Variants in RTCB observed in about 807,000 individuals in gnomAD.
RTCB encodes the protein RNA 2',3'-cyclic phosphate and 5'-OH ligase.
RTCB carries 32 observed loss-of-function variants against 58.2 expected under a neutral mutation model. The observed-to-expected ratio is 0.55, with a 90% CI of 0.41 to 0.74. RTCB has a LOEUF of 0.74. Ranked by LOEUF, RTCB falls within the 30% of genes least tolerant of loss-of-function variation. The pLI, the probability that RTCB is intolerant of heterozygous loss-of-function variation, is 0.00. For synonymous variants in RTCB, 247 were observed against 218.6 expected (o/e 1.13, Z -1.15); for missense variants, 523 against 639.0 (o/e 0.82, Z 1.96).
rs546683548 is a variant in RTCB, at chr22:32,390,563, C to G, written c.1410+1677G>C. Among the ~76,000 whole-genome samples, 656 of 152,258 alleles carry G rather than the reference C, an allele frequency of 4.3e-3. 7 individuals are homozygous for G. The highest frequency in any genetic ancestry group is 0.015 in the African/African-American group (630 of 41,542). On this transcript the variant is annotated intron_variant, in intron 11 of 11. Transcript: ENST00000216038. ...TCCCGCGTTCACGCCGTTCTCCTGC[C>G]TCAGCCTCCCGAGTAGCTAGAGCTA...
chr22:32,388,049 A>G lies in RTCB; in HGVS notation c.1461T>C (p.Asp487=), dbSNP rs768900660. The part of the protein sequence containing the change: ...NVTDVVNTCH[D]AGISKKAIKL... ...TAATGGCTTTCTTGCTGATTCCAGC[A>G]TCATGGCAGGTATTTACCACATCTG... is the stretch of plus-strand genomic sequence containing the variant. The change falls in exon 12 of 12, where the codon GAT becomes GAC. Residue 487 remains aspartate (D), a synonymous_variant. Coordinates refer to ENST00000216038, the MANE Select transcript of RTCB (RefSeq NM_014306.5). 6.2e-7 allele frequency: 1 copy of G among 1,614,158 alleles called. No individual in the cohort carries two copies. The highest frequency in any genetic ancestry group is 1.7e-5 in the Admixed American group (1 of 60,026).
Position 32,412,163 on chromosome 22 carries a change from G to A in RTCB, c.-7C>T. On this transcript the variant is annotated 5_prime_UTR_variant, in exon 1 of 12. Coordinates refer to ENST00000216038, the MANE Select transcript of RTCB (RefSeq NM_014306.5). Reference sequence around the variant, plus strand: ...CATTATAGCTGCGACTCATGGTGGCGAAAACTGTAGCAAAAACTCCCGGCT... The same window carrying A: ...CATTATAGCTGCGACTCATGGTGGCAAAAACTGTAGCAAAAACTCCCGGCT... 1.3e-6 allele frequency: 2 copies of A among 1,585,998 alleles called. No homozygotes were observed. The highest frequency in any genetic ancestry group is 1.7e-6 in the Non-Finnish European group (2 of 1,167,894).
At chr22:32,410,444 C>T (rs1407132372) in intron 1 of RTCB, among the ~76,000 whole-genome samples, 1 of 147,728 alleles carries the variant, frequency 6.8e-6, no homozygotes, top group Non-Finnish European at 1.5e-5. Context: ...GTGTGAAATT[C>T]ACTGCTCTCA....
At chr22:32,392,542 G>C in intron 10 of RTCB, 183 bp from the exon 11 acceptor site, 1 of 806,908 alleles carries the variant, frequency 1.2e-6, no homozygotes, top group East Asian at 2.7e-5. Context: ...TTTGTTGGGA[G>C]GCTGTCCTAT....
At chr22:32,411,339 G>C (rs1933520151) in intron 1 of RTCB, among the ~76,000 whole-genome samples, 1 of 152,146 alleles carries the variant, frequency 6.6e-6, no homozygotes, top group African/African-American at 2.4e-5. Context: ...GAGCACAGAT[G>C]GTGATGAAGG....
chr22:32,408,256 T>C lies in RTCB; in HGVS notation c.173-14A>G. On this transcript the variant is annotated splice_polypyrimidine_tract_variant and intron_variant, in intron 2 of 11. Transcript: ENST00000216038. ...AGCCACCAACACCTGAAGACAAAAA[T>C]TGGGTATTAGAAAAGACAACACACT... The C allele has an allele frequency of 1.9e-6, 3 of 1,611,892 alleles. No individual in the cohort carries two copies. Among genetic ancestry groups the C allele is most frequent in the Non-Finnish European group, 2.5e-6 (3 of 1,178,220 alleles).
intron 1 of RTCB, among the ~76,000 whole-genome samples, chr22:32,411,623 G>A (rs1408359316): frequency 6.6e-6 from 1 of 152,158 alleles, no homozygotes; most frequent in African/African-American, 2.4e-5. Context: ...CTGGTTTAGT[G>A]AACAAAGGTT....
Position 32,401,913 on chromosome 22 carries a change from A to G in RTCB, c.341-10T>C. 6.2e-7 allele frequency: 1 copy of G among 1,612,276 alleles called. No individual in the cohort carries two copies. The highest frequency in any genetic ancestry group is 8.5e-7 in the Non-Finnish European group (1 of 1,178,498). On this transcript the variant is annotated splice_polypyrimidine_tract_variant and intron_variant, in intron 4 of 11. Coordinates refer to ENST00000216038, the MANE Select transcript of RTCB (RefSeq NM_014306.5). Reference sequence around the variant, plus strand: ...TCAAACCCGACACCACCTACAAAATAGAGAAAAGTTAGCAAAACCAGCTGG... The same window carrying G: ...TCAAACCCGACACCACCTACAAAATGGAGAAAAGTTAGCAAAACCAGCTGG...
At chr22:32,406,537 G>C (rs1482249956) in intron 4 of RTCB, 125 bp downstream of exon 4, 1 of 574,268 alleles carries the variant, frequency 1.7e-6, no homozygotes, top group South Asian at 1.9e-5. Flanking sequence ...TGGCCAAGAT[G>C]GTTTTGATCT....
chr22:32,407,864 C>T, intron 3 of RTCB: 1 of 304,556 alleles, frequency 3.3e-6, no homozygotes, highest in South Asian at 5.6e-5. Flanking sequence ...TGGGCTCAAG[C>T]AATCCTCCCA....
chr22:32,398,320 G>A (rs1933279452), intron 6 of RTCB, among the ~76,000 whole-genome samples: 1 of 152,002 alleles, frequency 6.6e-6, no homozygotes, highest in Admixed American at 6.6e-5. Flanking sequence ...ATCATTATAT[G>A]CTTGGTATAC....
chr22:32,404,392 C>T (rs2145896515), intron 4 of RTCB, among the ~76,000 whole-genome samples: 1 of 152,290 alleles, frequency 6.6e-6, no homozygotes, highest in East Asian at 1.9e-4. Context: ...TCATGGGTTA[C>T]TTAAAAGTAT....
intron 8 of RTCB, 66 bp from the exon 9 acceptor site, chr22:32,395,280 T>A: frequency 7.3e-7 from 1 of 1,378,228 alleles, no homozygotes; most frequent in Non-Finnish European, 1.0e-6. Flanking sequence ...TCTTCGTGAC[T>A]CATCTCACTG....
rs5998476 is a variant in RTCB at position 32,412,085 on chromosome 22, C to G, written c.72G>C (p.Lys24Asn). 2 of 1,608,942 alleles carry G rather than the reference C, an allele frequency of 1.2e-6. No individual in the cohort carries two copies. The change falls in exon 1 of 12, where the codon AAG becomes AAC. Residue 24 changes from lysine to asparagine, a missense_variant. This residue lies in a region of RTCB where 134 missense variants were observed against 129.9 expected (regional missense o/e 1.03). Coordinates refer to ENST00000216038, the MANE Select transcript of RTCB (RefSeq NM_014306.5). The part of the protein sequence containing the change: ...KINKNCWRIK[K>N]GFVPNMQVEG... The stretch of plus-strand genomic sequence containing the variant: ...TTACCTGCATGTTGGGCACGAAGCC[C>G]TTCTTGATCCTCCAGCAGTTTTTAT...
intron 1 of RTCB, among the ~76,000 whole-genome samples, chr22:32,409,245 A>T (rs974979474): frequency 1.3e-5 from 2 of 152,162 alleles, no homozygotes; most frequent in African/African-American, 2.4e-5. Flanking sequence ...TTCTAAACAT[A>T]AAACGTAGTC....
Position 32,404,723 on chromosome 22 carries a change from T to C in RTCB, c.340+1939A>G, listed in dbSNP as rs189425934. Among the ~76,000 whole-genome samples, 715 of 152,168 alleles carry C rather than the reference T, an allele frequency of 4.7e-3. 3 individuals are homozygous for C. Among genetic ancestry groups the C allele is most frequent in the African/African-American group, 0.016 (650 of 41,522 alleles). ...AGACAGGGTCTCACTCTGTCGCCCA[T>C]GCTGGACTGCAGTGGCGCAATCTCA... On this transcript the variant is annotated intron_variant, in intron 4 of 11. Transcript: ENST00000216038.
chr22:32,397,293 C>T (rs1197850742), intron 7 of RTCB, among the ~76,000 whole-genome samples: 5 of 152,144 alleles, frequency 3.3e-5, no homozygotes, highest in Non-Finnish European at 5.9e-5. Flanking sequence ...CTGCTTCCTG[C>T]TTTTGTTCAT....
Position 32,396,158 on chromosome 22 carries a change from C to T in RTCB, c.906G>A (p.Glu302=). The T allele has an allele frequency of 6.2e-7, 1 of 1,614,170 alleles. No homozygotes were observed. The highest frequency in any genetic ancestry group is 1.1e-5 in the South Asian group (1 of 91,080). The part of the protein sequence containing the change: ...QLACARIASP[E]GQDYLKGMAA... ...CCATTCCCTTCAGATAGTCTTGACC[C>T]TCTGGGGAAGCGATTCGAGCACAAG... The change falls in exon 8 of 12, where the codon GAG becomes GAA. Residue 302 remains glutamate (E), a synonymous_variant. Coordinates refer to ENST00000216038, the MANE Select transcript of RTCB (RefSeq NM_014306.5).
chr22:32,408,893 G>A (rs1304449155), intron 1 of RTCB, 60 bp from the exon 2 acceptor site: 8 of 1,137,898 alleles, frequency 7.0e-6, no homozygotes, highest in Non-Finnish European at 1.1e-5. Flanking sequence ...TGTAGGCACT[G>A]GACAGAATGC....
Sources: gnomAD v4.1 joint callset for allele counts (sites outside exome capture counted in the v4.1 genomes callset) on GRCh38, gnomAD v4.1.1 for gene constraint, gnomAD v4.1.1 regional missense constraint, MANE v1.5 for transcripts, NCBI Gene and HGNC (gene_info 2026-07-23, HGNC 2026-07-21) for gene names.